Variants in GALNTL6 observed in about 807,000 individuals in gnomAD.
The protein encoded by GALNTL6 is polypeptide N-acetylgalactosaminyltransferase-like 6.
A neutral mutation model predicts 73.7 loss-of-function variants in GALNTL6; 46 were observed. That is an observed-to-expected ratio of 0.62 (90% CI 0.49 to 0.80). The LOEUF is 0.80. Ranked by LOEUF, GALNTL6 falls within the 30% of genes least tolerant of loss-of-function variation. The pLI is 0.00. For synonymous variants in GALNTL6, 259 were observed against 263.7 expected (o/e 0.98, Z 0.17); for missense variants, 604 against 755.0 (o/e 0.80, Z 2.34).
chr4:172,573,819 TCAAA>T (rs1279849175), intron 5 of GALNTL6, among the ~76,000 whole-genome samples: 1 of 152,200 alleles, frequency 6.6e-6, no homozygotes, highest in Admixed American at 6.6e-5. Context: ...TTCAGCACTG[TCAAA>T]CAAACTCAAT....
At chr4:171,922,752 C>A (rs1304352625) in intron 2 of GALNTL6, among the ~76,000 whole-genome samples, 3 of 152,012 alleles carry the variant, frequency 2.0e-5, no homozygotes, top group Non-Finnish European at 4.4e-5. Context: ...GTTTTTATAA[C>A]TTTAGTATTT....
chr4:172,514,382 A>C (rs1265932899), intron 5 of GALNTL6, among the ~76,000 whole-genome samples: 1 of 152,150 alleles, frequency 6.6e-6, no homozygotes, highest in Non-Finnish European at 1.5e-5. Flanking sequence ...TGGCAGTGCC[A>C]GGCCTCACCC....
At chr4:172,060,288 A>G (rs1731156872) in intron 2 of GALNTL6, among the ~76,000 whole-genome samples, 1 of 152,208 alleles carries the variant, frequency 6.6e-6, no homozygotes, top group South Asian at 2.1e-4. Context: ...ACATATATAC[A>G]TGTTTACACA....
chr4:172,594,958 G>A (rs1388712305), intron 5 of GALNTL6, among the ~76,000 whole-genome samples: 2 of 152,104 alleles, frequency 1.3e-5, no homozygotes, highest in Admixed American at 6.5e-5. Context: ...AAGAATAAGA[G>A]GTCAGGGTGG....
At chr4:172,963,359 C>G (rs566316702) in intron 10 of GALNTL6, among the ~76,000 whole-genome samples, 1 of 152,260 alleles carries the variant, frequency 6.6e-6, no homozygotes, top group Non-Finnish European at 1.5e-5. Context: ...ACTCCCTACT[C>G]CCTTTCCTCC....
intron 2 of GALNTL6, among the ~76,000 whole-genome samples, chr4:172,018,371 G>A (rs34664074): frequency 0.022 from 3,361 of 152,192 alleles, 117 homozygotes; most frequent in African/African-American, 0.072. Context: ...CTGTCCTTGG[G>A]CAGGGCTTGC....
At chr4:172,933,662 T>C (rs1172214031) in intron 9 of GALNTL6, among the ~76,000 whole-genome samples, 1 of 152,170 alleles carries the variant, frequency 6.6e-6, no homozygotes, top group African/African-American at 2.4e-5. Flanking sequence ...AAAAAGTACA[T>C]TAAAATGAAA....
intron 10 of GALNTL6, among the ~76,000 whole-genome samples, chr4:172,955,764 TA>T (rs1175207368): frequency 1.3e-5 from 2 of 151,132 alleles, no homozygotes; most frequent in East Asian, 2.0e-4. Flanking sequence ...AGAAGGGAGA[TA>T]GGGGTGGGGC....
chr4:172,254,698 A>G (rs1251117753), intron 3 of GALNTL6, among the ~76,000 whole-genome samples: 1 of 151,766 alleles, frequency 6.6e-6, no homozygotes, highest in East Asian at 1.9e-4. Flanking sequence ...TTGCTTTTAA[A>G]CAGACATACA....
intron 5 of GALNTL6, among the ~76,000 whole-genome samples, chr4:172,653,150 C>T (rs754653771): frequency 9.9e-5 from 15 of 151,704 alleles, no homozygotes; most frequent in Non-Finnish European, 2.2e-4. Flanking sequence ...CAATCTCCTG[C>T]GACTTTCTTC....
chr4:172,772,496 A>G (rs1401557663), intron 5 of GALNTL6, among the ~76,000 whole-genome samples: 2 of 152,202 alleles, frequency 1.3e-5, no homozygotes, highest in Non-Finnish European at 2.9e-5. Context: ...TATAGGATAT[A>G]TATGTTTCCG....
chr4:172,585,500 T>G (rs1057498884), intron 5 of GALNTL6, among the ~76,000 whole-genome samples: 1 of 152,160 alleles, frequency 6.6e-6, no homozygotes, highest in East Asian at 1.9e-4. Flanking sequence ...AGTGAGAACA[T>G]GTGGTGTTTG....
At chr4:172,065,661 AC>A (rs1431130555) in intron 2 of GALNTL6, among the ~76,000 whole-genome samples, 1 of 152,110 alleles carries the variant, frequency 6.6e-6, no homozygotes, top group African/African-American at 2.4e-5. Flanking sequence ...TCCACATAAT[AC>A]CTAACTGTGT....
chr4:172,166,875 G>C (rs924934246), intron 2 of GALNTL6, among the ~76,000 whole-genome samples: 1 of 152,172 alleles, frequency 6.6e-6, no homozygotes, highest in Non-Finnish European at 1.5e-5. Context: ...ATCATGGTTT[G>C]TTAGATGTTT....
At chr4:172,105,913 T>G (rs928946031) in intron 2 of GALNTL6, among the ~76,000 whole-genome samples, 4 of 152,062 alleles carry the variant, frequency 2.6e-5, no homozygotes, top group African/African-American at 9.7e-5. Context: ...AAATCATAAA[T>G]TTTTAAAAAA....
At position 172,487,412 on chromosome 4, in the gene GALNTL6, G is replaced by A. The variant is rs1249143204; in HGVS notation, c.553+138723G>A. 1.5e-4 allele frequency among the ~76,000 whole-genome samples: 17 copies of A among 111,990 alleles called. No individual in the cohort carries two copies. The Admixed American group carries it at 1.6e-3, about 11-fold the overall frequency. 73.5% of individuals were successfully genotyped at this position (111,990 alleles called of 152,430 possible). On this transcript the variant is annotated intron_variant, in intron 5 of 12. Transcript: ENST00000506823. ...TTTCTTTTCTTTCTTTTTCTTTCTT[G>A]TCTCACTCTGTCGCCCAGGCTGGAG...
At chr4:172,230,066 T>G (rs1737003108) in intron 3 of GALNTL6, among the ~76,000 whole-genome samples, 1 of 152,204 alleles carries the variant, frequency 6.6e-6, no homozygotes, top group African/African-American at 2.4e-5. Flanking sequence ...TCAATGAGAC[T>G]TGACCTGGTA....
intron 7 of GALNTL6, among the ~76,000 whole-genome samples, chr4:172,877,397 G>A (rs1745245600): frequency 6.6e-6 from 1 of 151,940 alleles, no homozygotes; most frequent in African/African-American, 2.4e-5. Context: ...AATACTGTAA[G>A]AGTCACCAAG....
chr4:172,294,004 C>A (rs1348877591), intron 3 of GALNTL6, among the ~76,000 whole-genome samples: 2 of 151,054 alleles, frequency 1.3e-5, no homozygotes, highest in African/African-American at 2.4e-5. Context: ...TTTTCTTGAA[C>A]TCATTTAGGA....
Sources: gnomAD v4.1 joint callset for allele counts (sites outside exome capture counted in the v4.1 genomes callset) on GRCh38, gnomAD v4.1.1 for gene constraint, MANE v1.5 for transcripts, NCBI Gene and HGNC (gene_info 2026-07-23, HGNC 2026-07-21) for gene names.